The following PAWR variants were observed in gnomAD, a reference collection of about 807,000 sequenced individuals.
PAWR encodes the protein PRKC apoptosis WT1 regulator protein.
In PAWR, 23 loss-of-function variants were observed where a neutral mutation model predicts 32.0. The observed-to-expected ratio is 0.72, with a 90% CI of 0.52 to 1.02. The LOEUF (loss-of-function observed/expected upper bound fraction) is 1.02. PAWR is among the 50% of genes least tolerant of loss of function. The pLI, the probability that PAWR is intolerant of heterozygous loss-of-function variation, is 0.00. For missense variants in PAWR, 457 were observed against 437.7 expected, an observed-to-expected ratio of 1.04 and a Z score of -0.39; for synonymous variants, 226 against 187.1, an observed-to-expected ratio of 1.21 and a Z score of -1.70.
chr12:79,628,378 C>T (rs1290772302), intron 2 of PAWR, among the ~76,000 whole-genome samples: 1 of 152,002 alleles, frequency 6.6e-6, no homozygotes, highest in African/African-American at 2.4e-5. Flanking sequence ...AAAATTGACA[C>T]CCTAACATCA....
At chr12:79,684,311 TAATA>T (rs1878581199) in intron 2 of PAWR, among the ~76,000 whole-genome samples, 1 of 151,792 alleles carries the variant, frequency 6.6e-6, no homozygotes, top group African/African-American at 2.4e-5. Context: ...AATGCAGAAA[TAATA>T]AATAGCATAG....
chr12:79,643,696 T>C (rs1308743961), intron 2 of PAWR, among the ~76,000 whole-genome samples: 5 of 152,276 alleles, frequency 3.3e-5, no homozygotes, highest in South Asian at 2.1e-4. Flanking sequence ...GTCAGCTCAT[T>C]TGCAGTTTAT....
Position 79,689,876 on chromosome 12 carries a change from G to A in PAWR, c.369C>T (p.Pro123=), listed in dbSNP as rs2136905802. ...PAASASAAPP[P]QRDEEEPDGV... ...CGTCCGGCTCCTCCTCGTCACGCTGGGGCGGCGGTGCAGCCGAGGCAGAGG... is the reference window on the plus strand; with the variant it reads ...CGTCCGGCTCCTCCTCGTCACGCTGAGGCGGCGGTGCAGCCGAGGCAGAGG... The change falls in exon 2 of 7, where the codon CCC becomes CCT. Residue 123 remains proline (P), a synonymous_variant. Transcript: ENST00000328827. The A allele has an allele frequency of 1.3e-6, 2 of 1,558,456 alleles. No homozygotes were observed. Among genetic ancestry groups the A allele is most frequent in the African/African-American group, 2.8e-5 (2 of 72,232 alleles).
chr12:79,588,905 G>C lies in PAWR; in HGVS notation c.*3702C>G, dbSNP rs927425196. The C allele has an allele frequency of 2.6e-5, 4 of 151,940 alleles. No homozygotes were observed. Among genetic ancestry groups the C allele is most frequent in the Admixed American group, 1.3e-4 (2 of 15,264 alleles). 9.4% of individuals were successfully genotyped at this position (151,940 alleles called of 1,614,324 possible). ...CATATATCCAGGAGAAACTTAGCAT[G>C]GGGGGAGGTGCCTTAGTTGATGTGC... On this transcript the variant is annotated 3_prime_UTR_variant, in exon 7 of 7. Transcript: ENST00000328827.
intron 4 of PAWR, among the ~76,000 whole-genome samples, chr12:79,609,776 C>G (rs991210256): frequency 6.6e-6 from 1 of 152,188 alleles, no homozygotes; most frequent in African/African-American, 2.4e-5. Context: ...TAAAGGCTGT[C>G]ATACTGACCC....
At chr12:79,646,514 G>C (rs2136785873) in intron 2 of PAWR, among the ~76,000 whole-genome samples, 1 of 152,210 alleles carries the variant, frequency 6.6e-6, no homozygotes, top group African/African-American at 2.4e-5. Context: ...AATGAAACAA[G>C]TGTAATAAAT....
chr12:79,603,208 C>T (rs573803518), intron 4 of PAWR, among the ~76,000 whole-genome samples: 11 of 152,038 alleles, frequency 7.2e-5, no homozygotes, highest in East Asian at 3.9e-4. Flanking sequence ...TGAGCGATTA[C>T]GCCACTGCAC....
At chr12:79,674,338 T>C (rs931632476) in intron 2 of PAWR, among the ~76,000 whole-genome samples, 2 of 151,798 alleles carry the variant, frequency 1.3e-5, no homozygotes, top group African/African-American at 2.4e-5. Flanking sequence ...CTGAGATAAC[T>C]GGCTAGCCAT....
chr12:79,674,479 T>C (rs1878063258), intron 2 of PAWR, among the ~76,000 whole-genome samples: 2 of 151,634 alleles, frequency 1.3e-5, no homozygotes, highest in South Asian at 2.1e-4. Context: ...GGAAATATCA[T>C]CTGAACATCA....
At chr12:79,613,894 C>G (rs573598240) in intron 3 of PAWR, among the ~76,000 whole-genome samples, 4 of 120,924 alleles carry the variant, frequency 3.3e-5, no homozygotes, top group African/African-American at 1.1e-4. Flanking sequence ...CAGCTTAAAT[C>G]CTCTTGAAAG....
intron 2 of PAWR, among the ~76,000 whole-genome samples, chr12:79,638,832 A>G (rs1011804163): frequency 7.9e-6 from 1 of 127,092 alleles, no homozygotes; most frequent in African/African-American, 2.9e-5. Context: ...TTATATATAA[A>G]CATATATACA....
At position 79,592,537 on chromosome 12, in the gene PAWR, G is replaced by C. The variant is rs1485722691; in HGVS notation, c.*70C>G. 6 of 701,972 alleles carry C rather than the reference G, an allele frequency of 8.5e-6. No individual in the cohort carries two copies. Among genetic ancestry groups the C allele is most frequent in the Non-Finnish European group, 2.6e-6 (1 of 392,028 alleles). 43.5% of individuals were successfully genotyped at this position (701,972 alleles called of 1,614,324 possible). On this transcript the variant is annotated 3_prime_UTR_variant, in exon 7 of 7. Transcript: ENST00000328827. ...TAATGTATTGCAGCATAGGAATATT[G>C]TGCTAGCATTGACCATTAACATTCA...
At chr12:79,652,950 C>G (rs143705386) in intron 2 of PAWR, among the ~76,000 whole-genome samples, 1 of 152,182 alleles carries the variant, frequency 6.6e-6, no homozygotes, top group African/African-American at 2.4e-5. Flanking sequence ...CCTACAACAA[C>G]AAAGTATTTG....
At chr12:79,625,996 C>T (rs1403145686) in intron 2 of PAWR, among the ~76,000 whole-genome samples, 2 of 149,458 alleles carry the variant, frequency 1.3e-5, no homozygotes, top group African/African-American at 4.9e-5. Context: ...AACCCCATCT[C>T]TACTAAAAAT....
intron 2 of PAWR, among the ~76,000 whole-genome samples, chr12:79,653,542 C>T (rs1456711077): frequency 3.3e-5 from 5 of 151,782 alleles, no homozygotes; most frequent in African/African-American, 7.2e-5. Context: ...TGCAATGGCA[C>T]GATCTCAGCT....
intron 2 of PAWR, among the ~76,000 whole-genome samples, chr12:79,675,260 C>T (rs993112843): frequency 2.0e-5 from 3 of 152,002 alleles, no homozygotes; most frequent in South Asian, 2.1e-4. Flanking sequence ...CACTTGTGTT[C>T]GCAGCTACTC....
intron 2 of PAWR, among the ~76,000 whole-genome samples, chr12:79,649,964 T>C (rs750866778): frequency 1.3e-5 from 2 of 152,158 alleles, no homozygotes; most frequent in African/African-American, 4.8e-5. Context: ...ATAAAGAGCA[T>C]GCAACCTAGA....
chr12:79,586,567 T>C lies in PAWR; in HGVS notation c.*6040A>G, dbSNP rs921016998. On this transcript the variant is annotated 3_prime_UTR_variant, in exon 7 of 7. Transcript: ENST00000328827. Reference sequence around the variant, plus strand: ...GTGTCTAACCAGGGATAGCAACTGATTATATGTGGATTAACAATAGTGAAT... The same window carrying C: ...GTGTCTAACCAGGGATAGCAACTGACTATATGTGGATTAACAATAGTGAAT... The C allele has an allele frequency of 4.6e-5, 7 of 152,204 alleles. No homozygotes were observed. Among genetic ancestry groups the C allele is most frequent in the African/African-American group, 1.7e-4 (7 of 41,458 alleles). 9.4% of individuals were successfully genotyped at this position (152,204 alleles called of 1,614,324 possible).
At chr12:79,658,792 T>C (rs540920121) in intron 2 of PAWR, among the ~76,000 whole-genome samples, 4 of 151,676 alleles carry the variant, frequency 2.6e-5, no homozygotes, top group East Asian at 3.9e-4. Flanking sequence ...GCCTCTTGGG[T>C]AGCTGGGATT....
Sources: allele counts gnomAD v4.1 joint callset (sites outside exome capture counted in the v4.1 genomes callset), GRCh38; gene constraint gnomAD v4.1.1; transcripts MANE v1.5; gene names NCBI Gene and HGNC (gene_info 2026-07-23, HGNC 2026-07-21).